The following BSN variants were observed in gnomAD, a reference collection of about 807,000 sequenced individuals.
The protein encoded by BSN is protein bassoon.
Under a neutral mutation model 264.8 loss-of-function variants are expected in BSN, and 57 were observed. The ratio of observed to expected loss-of-function variants is 0.22; its 90% CI spans 0.17 to 0.27. The LOEUF is 0.27. BSN is among the 10% of genes least tolerant of loss of function. The pLI is 1.00. For missense variants in BSN, 4,615 were observed against 5,232.5 expected (o/e 0.88, Z 3.64); for synonymous variants, 2,059 against 2,137.3 (o/e 0.96, Z 1.01).
intron 2 of BSN, among the ~76,000 whole-genome samples, chr3:49,629,620 C>T (rs1230839677): frequency 1.3e-5 from 2 of 152,236 alleles, no homozygotes; most frequent in Non-Finnish European, 2.9e-5. Context: ...AACAGCATCC[C>T]AGGAGTGACT....
Position 49,661,198 on chromosome 3 carries a change from A to T in BSN, c.9353A>T (p.Tyr3118Phe). The T allele has an allele frequency of 6.2e-7, 1 of 1,613,612 alleles. No homozygotes were observed. The highest frequency in any genetic ancestry group is 8.5e-7 in the Non-Finnish European group (1 of 1,180,022). Residue 3118 changes from tyrosine (Y) to phenylalanine (F), a missense_variant, in exon 6 of 12, where the codon TAT becomes TTT. Transcript: ENST00000296452. ...NQQAFRPTGH[Y>F]AGQTPMPTTQ... The stretch of plus-strand genomic sequence containing the variant: ...CAGGCTTTCCGCCCCACAGGCCACT[A>T]TGCAGGCCAAACACCCATGCCAACC...
intron 9 of BSN, 27 bp from the exon 10 acceptor site, chr3:49,664,772 T>C: frequency 1.9e-6 from 3 of 1,613,854 alleles, no homozygotes; most frequent in Non-Finnish European, 2.5e-6. Context: ...AATTTCCTGA[T>C]GGCTCTCTCC....
intron 1 of BSN, among the ~76,000 whole-genome samples, chr3:49,574,864 C>T (rs919151417): frequency 7.9e-5 from 12 of 151,682 alleles, no homozygotes; most frequent in African/African-American, 1.5e-4. Context: ...TCTTGAACTC[C>T]GGACCTCAAG....
chr3:49,601,770 T>C (rs2052074886), intron 1 of BSN, among the ~76,000 whole-genome samples: 1 of 152,228 alleles, frequency 6.6e-6, no homozygotes, highest in South Asian at 2.1e-4. Flanking sequence ...ATGGTTTGCT[T>C]CTGAAGTATT....
chr3:49,616,693 G>C (rs1575438893), intron 1 of BSN, among the ~76,000 whole-genome samples: 1 of 152,272 alleles, frequency 6.6e-6, no homozygotes, highest in Middle Eastern at 3.4e-3. Context: ...AATCAGCCTG[G>C]TCAGGCCCTC....
chr3:49,605,897 T>TATTTATATATATA (rs1491451068), intron 1 of BSN, among the ~76,000 whole-genome samples: 1 of 52,252 alleles, frequency 1.9e-5, no homozygotes, highest in Non-Finnish European at 3.2e-5. Context: ...AATATATTTA[T>TATTTATATATATA]GTCTATATAA....
At chr3:49,558,143 G>A (rs1271476598) in intron 1 of BSN, among the ~76,000 whole-genome samples, 1 of 152,232 alleles carries the variant, frequency 6.6e-6, no homozygotes, top group Non-Finnish European at 1.5e-5. Context: ...GGGAAGAGTG[G>A]AGAGGCACAG....
chr3:49,596,508 A>C (rs1196486931), intron 1 of BSN, among the ~76,000 whole-genome samples: 6 of 152,194 alleles, frequency 3.9e-5, no homozygotes, highest in Admixed American at 3.9e-4. Flanking sequence ...TTTTTAAATT[A>C]AAAAAGTTTT....
chr3:49,598,400 A>G (rs2052042238), intron 1 of BSN, among the ~76,000 whole-genome samples: 3 of 152,036 alleles, frequency 2.0e-5, no homozygotes, highest in Admixed American at 6.6e-5. Context: ...CTGATATCAG[A>G]TTTTTTTCTT....
chr3:49,614,287 C>G (rs911821538), intron 1 of BSN, among the ~76,000 whole-genome samples: 3 of 151,774 alleles, frequency 2.0e-5, no homozygotes, highest in Non-Finnish European at 4.4e-5. Context: ...TCTTGATCTC[C>G]TGACCTCGTG....
At chr3:49,617,826 G>A (rs2108051634) in intron 1 of BSN, among the ~76,000 whole-genome samples, 1 of 152,230 alleles carries the variant, frequency 6.6e-6, no homozygotes, top group South Asian at 2.1e-4. Flanking sequence ...CTTGTGTTCA[G>A]CTGGAGAAGG....
intron 1 of BSN, among the ~76,000 whole-genome samples, chr3:49,614,291 C>A (rs566633090): frequency 1.3e-5 from 2 of 151,798 alleles, no homozygotes; most frequent in African/African-American, 4.8e-5. Context: ...GATCTCCTGA[C>A]CTCGTGATCC....
At position 49,652,712 on chromosome 3, in the gene BSN, G is replaced by A; in HGVS notation, c.3156G>A (p.Leu1052=). The change falls in exon 5 of 12, where the codon CTG becomes CTA. Residue 1052 remains leucine, a synonymous_variant. Coordinates refer to ENST00000296452, the MANE Select transcript of BSN (RefSeq NM_003458.4). The stretch of plus-strand genomic sequence containing the variant: ...AGGAGCTGCGGGAGGAAGAGGAGCT[G>A]CTTCGTGAGCAAGAGAAGATGCGGG... The part of the protein sequence containing the change: ...EEEELREEEE[L]LREQEKMREV... The A allele has an allele frequency of 6.4e-7, 1 of 1,569,384 alleles. No individual in the cohort carries two copies.
chr3:49,639,464 C>T lies in BSN; in HGVS notation c.634-2804C>T, dbSNP rs148695514. Among the ~76,000 whole-genome samples the T allele has an allele frequency of 8.2e-3, 1,244 of 152,280 alleles. 9 individuals are homozygous for T. Among genetic ancestry groups the T allele is most frequent in the South Asian group, 0.013 (65 of 4,828 alleles). On this transcript the variant is annotated intron_variant, in intron 2 of 11. Transcript: ENST00000296452. ...CCGCCCGCCTCTGCCTCTCAAAGTG[C>T]TGGGATTACAGGCGTGAGCCACGGT...
chr3:49,642,186 C>T lies in BSN; in HGVS notation c.634-82C>T. 2 of 1,170,732 alleles carry T rather than the reference C, an allele frequency of 1.7e-6. No individual in the cohort carries two copies. Among genetic ancestry groups the T allele is most frequent in the Non-Finnish European group, 2.3e-6 (2 of 869,868 alleles). 72.5% of individuals were successfully genotyped at this position (1,170,732 alleles called of 1,614,324 possible). ...CTGCCTGTGCTAGGAGTGGCCTTGG[C>T]TGCTGTGGGGCCTGCACTGACCTGG... On this transcript the variant is annotated intron_variant, in intron 2 of 11. Transcript: ENST00000296452. The surrounding 1 kb of genome is among the most constrained non-coding windows in gnomAD (Gnocchi z 7.0).
At chr3:49,606,012 A>G (rs2052135016) in intron 1 of BSN, among the ~76,000 whole-genome samples, 1 of 92,734 alleles carries the variant, frequency 1.1e-5, no homozygotes, top group South Asian at 3.7e-4. Flanking sequence ...ATATATACAT[A>G]GAAATATATA....
Position 49,625,031 on chromosome 3 carries a change from C to T in BSN, c.281C>T (p.Pro94Leu). Reference sequence around the variant, plus strand: ...CTGGGTAACCAGAGAGCAGCTTCCCCAACTCCGAAGCAGGCTTCTGCTACC... The same window carrying T: ...CTGGGTAACCAGAGAGCAGCTTCCCTAACTCCGAAGCAGGCTTCTGCTACC... ...EPLGNQRAAS[P>L]TPKQASATTP... is the part of the protein sequence containing the mutation. Residue 94 changes from proline to leucine, a missense_variant, in exon 2 of 12, where the codon CCA becomes CTA. Pro to Leu is a moderately conservative substitution (Grantham distance 98, BLOSUM62 -3). Transcript: ENST00000296452. The surrounding 1 kb of genome is among the most constrained non-coding windows in gnomAD (Gnocchi z 4.4). The T allele has an allele frequency of 2.5e-6, 4 of 1,583,190 alleles. No homozygotes were observed. Among genetic ancestry groups the T allele is most frequent in the African/African-American group, 1.4e-5 (1 of 73,082 alleles).
In BSN at chr3:49,662,462, T is replaced by C. The variant is rs771937129; in HGVS notation, c.10617T>C (p.Asp3539=). 6.2e-7 allele frequency: 1 copy of C among 1,613,688 alleles called. No homozygotes were observed. Among genetic ancestry groups the C allele is most frequent in the Non-Finnish European group, 8.5e-7 (1 of 1,180,012 alleles). Residue 3539 remains aspartate, a synonymous_variant, in exon 6 of 12, where the codon GAT becomes GAC. Transcript: ENST00000296452. ...PQFCSSHSMP[D]VQEHVKDGPR... is the part of the protein sequence containing the mutation. ...TCTGCTCCAGCCACTCCATGCCTGA[T>C]GTCCAGGAACATGTCAAGGACGGAC...
chr3:49,652,100 C>T lies in BSN; in HGVS notation c.2544C>T (p.Leu848=), dbSNP rs377160478. Reference sequence around the variant, plus strand: ...AGGATTTCATGCGACGGCAGATTCTCGAGATGAGCGCCGAGGAAGACAACC... The same window carrying T: ...AGGATTTCATGCGACGGCAGATTCTTGAGATGAGCGCCGAGGAAGACAACC... The part of the protein sequence containing the change: ...TDEDFMRRQI[L]EMSAEEDNLE... Residue 848 remains leucine (L), a synonymous_variant, in exon 5 of 12, where the codon CTC becomes CTT. Transcript: ENST00000296452. 3.7e-6 allele frequency: 6 copies of T among 1,611,640 alleles called. No individual in the cohort carries two copies. The highest frequency in any genetic ancestry group is 1.7e-5 in the Admixed American group (1 of 59,912).
Sources: gnomAD v4.1 joint callset for allele counts (sites outside exome capture counted in the v4.1 genomes callset) on GRCh38, gnomAD v4.1.1 for gene constraint, Gnocchi (gnomAD v3.1) non-coding constraint, MANE v1.5 for transcripts, NCBI Gene and HGNC (gene_info 2026-07-23, HGNC 2026-07-21) for gene names.